The following RNF217 variants were observed in gnomAD, a reference collection of about 807,000 sequenced individuals.
RNF217 encodes the protein ring finger protein 217.
A neutral mutation model predicts 57.8 loss-of-function variants in RNF217; 31 were observed. That is an observed-to-expected ratio of 0.54 (90% CI 0.40 to 0.72). The LOEUF (loss-of-function observed/expected upper bound fraction) is 0.72. Ranked by LOEUF, RNF217 falls within the 30% of genes least tolerant of loss-of-function variation. RNF217 has a pLI of 0.00. For missense variants in RNF217, 696 were observed against 708.3 expected (o/e 0.98, Z 0.20); for synonymous variants, 313 against 294.0 (o/e 1.06, Z -0.66).
intron 1 of RNF217, among the ~76,000 whole-genome samples, chr6:124,987,109 C>A (rs952753490): frequency 2.0e-5 from 3 of 152,172 alleles, no homozygotes; most frequent in Non-Finnish European, 4.4e-5. Context: ...TTAGATTCAT[C>A]TCTTGATATT....
chr6:125,084,578 G>A lies in RNF217; in HGVS notation c.*1641G>A, dbSNP rs534274535. 4.6e-5 allele frequency: 7 copies of A among 151,920 alleles called. 1 individual carries two copies. Among genetic ancestry groups the A allele is most frequent in the Non-Finnish European group, 1.0e-4 (7 of 67,882 alleles). 9.4% of individuals were successfully genotyped at this position (151,920 alleles called of 1,614,324 possible). A position where few individuals can be genotyped will look rare whatever the true frequency, so the allele number is the denominator to read the frequency against. ...TAGTTTATTTTTGTTGGGCTCCAGA[G>A]TGTAAGAATATTTTATTTTTTGTTT... On this transcript the variant is annotated 3_prime_UTR_variant, in exon 6 of 6. Transcript: ENST00000521654.
chr6:124,981,284 T>C (rs990582967), intron 1 of RNF217, among the ~76,000 whole-genome samples: 1 of 152,206 alleles, frequency 6.6e-6, no homozygotes, highest in African/African-American at 2.4e-5. Context: ...ACACAAAATA[T>C]CTGAGACGGG....
At chr6:124,986,128 A>AGC (rs1331197254) in intron 1 of RNF217, among the ~76,000 whole-genome samples, 1 of 152,220 alleles carries the variant, frequency 6.6e-6, no homozygotes, top group East Asian at 1.9e-4. Flanking sequence ...AGAGGAGTAT[A>AGC]ATTCAGATTG....
At chr6:125,031,717 G>A (rs978835607) in intron 1 of RNF217, among the ~76,000 whole-genome samples, 2 of 152,104 alleles carry the variant, frequency 1.3e-5, no homozygotes, top group African/African-American at 4.8e-5. Context: ...TAGTCTCTAG[G>A]AAGTTCCAAA....
intron 1 of RNF217, among the ~76,000 whole-genome samples, chr6:124,997,963 T>C (rs892809011): frequency 1.3e-5 from 2 of 152,224 alleles, no homozygotes; most frequent in African/African-American, 2.4e-5. Flanking sequence ...TGTTGAATCC[T>C]GAATGTCTGC....
intron 1 of RNF217, among the ~76,000 whole-genome samples, chr6:125,005,212 A>G (rs74344593): frequency 0.023 from 3,452 of 152,332 alleles, 78 homozygotes; most frequent in Non-Finnish European, 0.034. Context: ...ACAGGCCTGT[A>G]TGTTAGGTTT....
chr6:124,969,576 A>G (rs1365137829), intron 1 of RNF217, among the ~76,000 whole-genome samples: 4 of 152,202 alleles, frequency 2.6e-5, no homozygotes, highest in Non-Finnish European at 5.9e-5. Context: ...AAGAAAGACC[A>G]TTTATTGGAC....
chr6:125,018,296 G>A (rs553681385), intron 1 of RNF217, among the ~76,000 whole-genome samples: 2 of 152,178 alleles, frequency 1.3e-5, no homozygotes, highest in African/African-American at 4.8e-5. Context: ...TATAAGATCA[G>A]GTGACTAATG....
At chr6:125,079,920 A>G (rs1470332388) in intron 4 of RNF217, among the ~76,000 whole-genome samples, 1 of 152,110 alleles carries the variant, frequency 6.6e-6, no homozygotes, top group African/African-American at 2.4e-5. Context: ...CCCTTAAAAC[A>G]GTTTCAAAAG....
At chr6:125,018,364 T>A (rs748207727) in intron 1 of RNF217, among the ~76,000 whole-genome samples, 3 of 152,230 alleles carry the variant, frequency 2.0e-5, no homozygotes, top group Non-Finnish European at 4.4e-5. Context: ...AGTATTTTCT[T>A]CAGAATTTGG....
intron 1 of RNF217, among the ~76,000 whole-genome samples, chr6:125,020,913 T>C (rs1785812538): frequency 6.6e-6 from 1 of 152,068 alleles, no homozygotes; most frequent in Admixed American, 6.6e-5. Context: ...TTTTGGAGGG[T>C]TTTTGTATTT....
At chr6:125,023,483 A>C (rs920676376) in intron 1 of RNF217, among the ~76,000 whole-genome samples, 1 of 152,242 alleles carries the variant, frequency 6.6e-6, no homozygotes, top group Non-Finnish European at 1.5e-5. Context: ...GTGGGAATGT[A>C]AAGTAGTACA....
At chr6:125,062,257 T>A (rs904266700) in intron 3 of RNF217, among the ~76,000 whole-genome samples, 1 of 152,102 alleles carries the variant, frequency 6.6e-6, no homozygotes, top group Non-Finnish European at 1.5e-5. Context: ...TCTCTCTTAG[T>A]GAGTTTTTAC....
In RNF217 at chr6:124,982,026, CAAAAAAAAAAA is replaced by C. The variant is rs373182508; in HGVS notation, c.882+18611_882+18621del. On this transcript the variant is annotated intron_variant, in intron 1 of 5. Coordinates refer to ENST00000521654, the MANE Select transcript of RNF217 (RefSeq NM_001286398.3). ...CTGGCAACAGAGCGAGACTCTGTCT[CAAAAAAAAAAA>C]AAAAAAAAAAGATCTTGAGGCCCAC... Among the ~76,000 whole-genome samples, 38 of 58,400 alleles carry C rather than the reference CAAAAAAAAAAA, an allele frequency of 6.5e-4. No individual in the cohort carries two copies. In the South Asian group the frequency reaches 0.029, roughly 44 times the overall value. The allele number at this position is 58,400 out of a possible 152,430, so 38.3% of individuals were successfully genotyped here.
chr6:125,087,089 T>A lies in RNF217; in HGVS notation c.*4152T>A, dbSNP rs1788791879. ...ACAGGAGGGGCCTAAAAACTCACTC[T>A]GGTATGTGGGAAACATTAGAATTCC... On this transcript the variant is annotated 3_prime_UTR_variant, in exon 6 of 6. Transcript: ENST00000521654. 1 of 152,124 alleles carries A rather than the reference T, an allele frequency of 6.6e-6. No homozygotes were observed. Among genetic ancestry groups the A allele is most frequent in the Admixed American group, 6.6e-5 (1 of 15,254 alleles). 9.4% of individuals were successfully genotyped at this position (152,124 alleles called of 1,614,324 possible).
At chr6:125,049,823 AGGG>A (rs1185618323) in intron 2 of RNF217, among the ~76,000 whole-genome samples, 2 of 151,798 alleles carry the variant, frequency 1.3e-5, no homozygotes, top group Non-Finnish European at 2.9e-5. Flanking sequence ...GGCAGAAAGG[AGGG>A]GTAAAATTGA....
At chr6:124,987,037 A>G (rs937716259) in intron 1 of RNF217, among the ~76,000 whole-genome samples, 2 of 152,182 alleles carry the variant, frequency 1.3e-5, no homozygotes, top group African/African-American at 4.8e-5. Context: ...TTTGCCGAAT[A>G]TAGATATTAG....
At chr6:125,065,511 G>T (rs1026303900) in intron 3 of RNF217, among the ~76,000 whole-genome samples, 3 of 152,036 alleles carry the variant, frequency 2.0e-5, no homozygotes, top group Non-Finnish European at 4.4e-5. Context: ...GTGACAACTA[G>T]ACACTCCAGC....
chr6:125,034,416 C>G (rs931034742), intron 1 of RNF217, among the ~76,000 whole-genome samples: 1 of 152,138 alleles, frequency 6.6e-6, no homozygotes, highest in Non-Finnish European at 1.5e-5. Flanking sequence ...CTCCATATGG[C>G]TAGCCAGTTT....
Sources: gnomAD v4.1 joint callset for allele counts (sites outside exome capture counted in the v4.1 genomes callset) on GRCh38, gnomAD v4.1.1 for gene constraint, MANE v1.5 for transcripts, NCBI Gene and HGNC (gene_info 2026-07-23, HGNC 2026-07-21) for gene names.